Variants in FANCC observed in about 807,000 individuals in gnomAD.
FANCC encodes FA complementation group C, also known as Fanconi anemia group C protein.
A neutral mutation model predicts 71.3 loss-of-function variants in FANCC; 55 were observed. The ratio of observed to expected loss-of-function variants is 0.77; its 90% confidence interval spans 0.62 to 0.97. The LOEUF (loss-of-function observed/expected upper bound fraction) is 0.97. Among genes scored for constraint, FANCC ranks in the 50% least tolerant of loss-of-function variants. The pLI is 0.00. For synonymous variants in FANCC, 275 were observed against 244.9 expected (o/e 1.12, Z -1.15); for missense variants, 678 against 670.9 (o/e 1.01, Z -0.12).
intron 1 of FANCC, among the ~76,000 whole-genome samples, chr9:95,291,967 A>AAAAAAATATAT (rs1441757988): frequency 2.0e-5 from 1 of 50,408 alleles, no homozygotes; most frequent in South Asian, 8.5e-4. Context: ...AAAAAAAAAA[A>AAAAAAATATAT]ATATATATAT....
chr9:95,162,371 G>A (rs1290507088), intron 6 of FANCC, among the ~76,000 whole-genome samples: 5 of 152,150 alleles, frequency 3.3e-5, no homozygotes, highest in Non-Finnish European at 7.3e-5. Context: ...TGGACACATA[G>A]GTTACTTCCA....
intron 6 of FANCC, among the ~76,000 whole-genome samples, chr9:95,160,529 A>G (rs960545683): frequency 1.3e-5 from 2 of 152,196 alleles, no homozygotes; most frequent in Non-Finnish European, 2.9e-5. Context: ...TTGGTTCCAC[A>G]TGAACTTCAA....
intron 4 of FANCC, among the ~76,000 whole-genome samples, chr9:95,194,469 T>C (rs1408405971): frequency 6.6e-6 from 1 of 152,164 alleles, no homozygotes; most frequent in Non-Finnish European, 1.5e-5. Context: ...CTACCAAAAA[T>C]GCATGAGTAA....
At chr9:95,274,991 G>A (rs375812855) in intron 1 of FANCC, among the ~76,000 whole-genome samples, 8 of 151,840 alleles carry the variant, frequency 5.3e-5, no homozygotes, top group East Asian at 1.9e-4. Flanking sequence ...CAGGCCAGGC[G>A]TGGTGGCTCA....
chr9:95,148,224 G>T (rs567151219), intron 7 of FANCC, among the ~76,000 whole-genome samples: 1 of 152,104 alleles, frequency 6.6e-6, no homozygotes. Context: ...AATTCTGTAC[G>T]GTGAAAAGGA....
At chr9:95,274,551 T>A (rs1341004640) in intron 1 of FANCC, among the ~76,000 whole-genome samples, 1 of 152,210 alleles carries the variant, frequency 6.6e-6, no homozygotes, top group African/African-American at 2.4e-5. Context: ...AGTAATGGGA[T>A]TGCTGGGTCA....
intron 6 of FANCC, among the ~76,000 whole-genome samples, chr9:95,163,760 A>T (rs1247517908): frequency 6.6e-6 from 1 of 152,232 alleles, no homozygotes; most frequent in African/African-American, 2.4e-5. Context: ...GAGGCAGGAG[A>T]ATCGCTTGAA....
At chr9:95,286,561 T>G (rs1200303585) in intron 1 of FANCC, among the ~76,000 whole-genome samples, 1 of 152,234 alleles carries the variant, frequency 6.6e-6, no homozygotes, top group Non-Finnish European at 1.5e-5. Context: ...AAACATTTTA[T>G]AGTAGACTGG....
chr9:95,236,543 AAC>A (rs1287281502), intron 4 of FANCC, among the ~76,000 whole-genome samples: 3 of 152,246 alleles, frequency 2.0e-5, no homozygotes, highest in African/African-American at 7.2e-5. Flanking sequence ...TTTCCAGTAT[AAC>A]ACATGCTAAC....
intron 3 of FANCC, among the ~76,000 whole-genome samples, chr9:95,245,216 C>T (rs976227870): frequency 1.0e-3 from 156 of 152,050 alleles, no homozygotes; most frequent in African/African-American, 3.6e-3. Flanking sequence ...TTCCTGCCAT[C>T]GATATTGGCC....
intron 13 of FANCC, chr9:95,109,589 G>C (rs1022807813): frequency 6.6e-6 from 1 of 152,134 alleles, no homozygotes; most frequent in Non-Finnish European, 1.5e-5. Context: ...GGAAAGGGTG[G>C]CTTGCCCATG....
chr9:95,134,065 A>C (rs1382600874), intron 8 of FANCC, among the ~76,000 whole-genome samples: 3 of 152,200 alleles, frequency 2.0e-5, no homozygotes, highest in African/African-American at 7.2e-5. Flanking sequence ...TAAACTTTCA[A>C]GTCAGGTGGG....
intron 4 of FANCC, among the ~76,000 whole-genome samples, chr9:95,180,824 A>G (rs1826308546): frequency 6.6e-6 from 1 of 152,036 alleles, no homozygotes; most frequent in Non-Finnish European, 1.5e-5. Flanking sequence ...ATCACCACAA[A>G]CATGTGAACA....
At chr9:95,234,540 T>C (rs539153483) in intron 4 of FANCC, among the ~76,000 whole-genome samples, 5 of 152,322 alleles carry the variant, frequency 3.3e-5, no homozygotes, top group Admixed American at 1.3e-4. Context: ...GCTGTCTTGA[T>C]GAAGAACAAG....
At chr9:95,217,159 T>A (rs1828914317) in intron 4 of FANCC, among the ~76,000 whole-genome samples, 1 of 152,126 alleles carries the variant, frequency 6.6e-6, no homozygotes, top group Admixed American at 6.6e-5. Flanking sequence ...CAGAAAGATA[T>A]GTGGAAAAGC....
At chr9:95,203,920 G>A (rs1458224215) in intron 4 of FANCC, among the ~76,000 whole-genome samples, 6 of 152,146 alleles carry the variant, frequency 3.9e-5, no homozygotes, top group Non-Finnish European at 8.8e-5. Flanking sequence ...GGAAAAGGGA[G>A]GACCTTGTAG....
rs2071505631 is a variant in FANCC, at chr9:95,107,060, A to T, written c.1533+6T>A. 2.5e-6 allele frequency: 4 copies of T among 1,614,054 alleles called. No homozygotes were observed. Among genetic ancestry groups the T allele is most frequent in the Non-Finnish European group, 3.4e-6 (4 of 1,179,946 alleles). ...TACTAGGATGCTGGACCACAGGGAG[A>T]CTTACCAGGGTGATGACATCCCAGG... is the stretch of plus-strand genomic sequence containing the variant. On this transcript the variant is annotated splice_donor_region_variant and intron_variant, in intron 14 of 14. Coordinates refer to ENST00000289081, the MANE Select transcript of FANCC (RefSeq NM_000136.3).
intron 6 of FANCC, among the ~76,000 whole-genome samples, chr9:95,167,706 T>C (rs1825390218): frequency 6.6e-6 from 1 of 152,176 alleles, no homozygotes; most frequent in Non-Finnish European, 1.5e-5. Flanking sequence ...TGCTCACATA[T>C]TGTTTTCCTG....
intron 4 of FANCC, among the ~76,000 whole-genome samples, chr9:95,192,771 T>C (rs901508228): frequency 8.5e-5 from 13 of 152,236 alleles, no homozygotes; most frequent in Non-Finnish European, 1.6e-4. Context: ...CCAGCTTCTT[T>C]GTCCAACCTA....
Sources: gnomAD v4.1 joint callset for allele counts (sites outside exome capture counted in the v4.1 genomes callset) on GRCh38, gnomAD v4.1.1 for gene constraint, MANE v1.5 for transcripts, NCBI Gene and HGNC (gene_info 2026-07-23, HGNC 2026-07-21) for gene names.